The following EPHA6 variants were observed in gnomAD, a reference collection of about 807,000 sequenced individuals.
EPHA6 encodes EPH receptor A6.
Under a neutral mutation model 112.0 loss-of-function variants are expected in EPHA6, and 50 were observed. The ratio of observed to expected loss-of-function variants is 0.45; its 90% CI spans 0.36 to 0.56. EPHA6 has a LOEUF of 0.56. Among genes scored for constraint, EPHA6 ranks in the 20% least tolerant of loss-of-function variants. The pLI is 0.00. For missense variants in EPHA6, 1,280 were observed against 1,417.4 expected (o/e 0.90, Z 1.56); for synonymous variants, 529 against 490.7 (o/e 1.08, Z -1.03).
chr3:97,076,506 G>C (rs910073124), intron 3 of EPHA6, among the ~76,000 whole-genome samples: 7 of 152,176 alleles, frequency 4.6e-5, no homozygotes, highest in Admixed American at 2.6e-4. Context: ...CATGTTCATA[G>C]CATAATAATG....
chr3:97,007,765 G>A (rs1296749659), intron 3 of EPHA6, among the ~76,000 whole-genome samples: 1 of 152,146 alleles, frequency 6.6e-6, no homozygotes, highest in Non-Finnish European at 1.5e-5. Context: ...CATATTTAGT[G>A]CTTCTTTCAG....
rs1490383509 is a variant in EPHA6, at chr3:97,754,071, AT to A, written c.*5371del. 1.3e-5 allele frequency among the ~76,000 whole-genome samples: 2 copies of A among 151,008 alleles called. No homozygotes were observed. Among genetic ancestry groups the A allele is most frequent in the Non-Finnish European group, 2.9e-5 (2 of 67,808 alleles). ...TGAGTTTGTATAAAATGTATAAAAA[AT>A]AACATTTATATCTTTTTTTTTTTTT... On this transcript the variant is annotated 3_prime_UTR_variant, in exon 18 of 18. Transcript: ENST00000389672.
intron 6 of EPHA6, among the ~76,000 whole-genome samples, chr3:97,431,807 G>A (rs1232169787): frequency 2.0e-5 from 3 of 152,000 alleles, no homozygotes; most frequent in Non-Finnish European, 4.4e-5. Context: ...TAGTTCAATT[G>A]TTGGTTAGCA....
Position 97,407,490 on chromosome 3 carries a change from TTG to T in EPHA6, c.1731+2234_1731+2235del, listed in dbSNP as rs371201863. 9.3e-4 allele frequency among the ~76,000 whole-genome samples: 139 copies of T among 149,076 alleles called. 3 individuals carry two copies. In the South Asian group the frequency reaches 0.023, roughly 24 times the overall value. On this transcript the variant is annotated intron_variant, in intron 6 of 17. Coordinates refer to ENST00000389672, the MANE Select transcript of EPHA6 (RefSeq NM_001080448.3). ...GTGTGTGTGATGTGTCTGAGTGTGT[TTG>T]TGTGTGTGTGTGTGTGTATTAAGAG...
intron 3 of EPHA6, among the ~76,000 whole-genome samples, chr3:97,143,588 C>T (rs1463660663): frequency 1.3e-5 from 2 of 151,862 alleles, no homozygotes; most frequent in Non-Finnish European, 3.0e-5. Context: ...GCTTATACAA[C>T]TACCTCAATC....
intron 3 of EPHA6, among the ~76,000 whole-genome samples, chr3:97,007,827 G>T (rs536412273): frequency 6.6e-6 from 1 of 152,260 alleles, no homozygotes; most frequent in African/African-American, 2.4e-5. Context: ...GCATTTGTTT[G>T]TCTGTAAAGG....
intron 3 of EPHA6, among the ~76,000 whole-genome samples, chr3:97,131,176 TATATA>T (rs1271847173): frequency 6.6e-6 from 1 of 152,134 alleles, no homozygotes; most frequent in Non-Finnish European, 1.5e-5. Flanking sequence ...AATTTTTAGA[TATATA>T]ATGTAAAATA....
At chr3:97,482,516 C>G (rs1268036957) in intron 9 of EPHA6, among the ~76,000 whole-genome samples, 1 of 152,158 alleles carries the variant, frequency 6.6e-6, no homozygotes, top group Non-Finnish European at 1.5e-5. Flanking sequence ...ATATGCTTTT[C>G]TGGTGCTAAT....
rs1019357356 is a variant in EPHA6 at position 97,274,472 on chromosome 3, G to A, written c.1606+30185G>A. ...GGCATTAATGATGGAGGACCCTTGC[G>A]TAGTGAGGAAACCTCTTTCAGCCCA... On this transcript the variant is annotated intron_variant, in intron 5 of 17. Transcript: ENST00000389672. Among the ~76,000 whole-genome samples, 5 of 152,284 alleles carry A rather than the reference G, an allele frequency of 3.3e-5. No individual in the cohort carries two copies. In the East Asian group the frequency reaches 7.7e-4, roughly 23 times the overall value.
chr3:97,331,168 G>A (rs2082778525), intron 5 of EPHA6, among the ~76,000 whole-genome samples: 1 of 152,008 alleles, frequency 6.6e-6, no homozygotes, highest in African/African-American at 2.4e-5. Context: ...ACGAAATGAA[G>A]GCAGAAATAA....
At chr3:96,944,793 A>G (rs1278776766) in intron 2 of EPHA6, among the ~76,000 whole-genome samples, 1 of 152,194 alleles carries the variant, frequency 6.6e-6, no homozygotes, top group Non-Finnish European at 1.5e-5. Flanking sequence ...TACAAAAATT[A>G]GCTGAGCGTG....
intron 2 of EPHA6, among the ~76,000 whole-genome samples, chr3:96,899,542 T>A (rs2038489021): frequency 6.6e-6 from 1 of 152,198 alleles, no homozygotes; most frequent in Non-Finnish European, 1.5e-5. Context: ...CAATATGAAG[T>A]CATTAATTTT....
intron 1 of EPHA6, among the ~76,000 whole-genome samples, chr3:96,818,581 T>C (rs925996225): frequency 1.3e-4 from 19 of 151,860 alleles, no homozygotes; most frequent in African/African-American, 4.1e-4. Flanking sequence ...CAAATAAATA[T>C]ATCTAAGCAG....
At chr3:97,643,823 C>G (rs1382515190) in intron 14 of EPHA6, among the ~76,000 whole-genome samples, 1 of 150,618 alleles carries the variant, frequency 6.6e-6, no homozygotes, top group Non-Finnish European at 1.5e-5. Context: ...ACTTAGACTC[C>G]CACACATTAA....
rs2091629895 is a variant in EPHA6, at chr3:97,483,931, C to T, written c.2075-3C>T. 2 of 1,591,522 alleles carry T rather than the reference C, an allele frequency of 1.3e-6. No homozygotes were observed. The highest frequency in any genetic ancestry group is 1.4e-5 in the African/African-American group (1 of 74,032). ...ATCAATCGTTTTGTTATTGTTGTTG[C>T]AGTGCGCTTCCCGGGAATTAAAACT... On this transcript the variant is annotated splice_region_variant and splice_polypyrimidine_tract_variant and intron_variant, in intron 9 of 17. Transcript: ENST00000389672.
intron 3 of EPHA6, among the ~76,000 whole-genome samples, chr3:97,037,069 C>T (rs1319602268): frequency 6.6e-6 from 1 of 151,922 alleles, no homozygotes; most frequent in Non-Finnish European, 1.5e-5. Flanking sequence ...TTAAAACTAC[C>T]GTTGACTTAA....
chr3:97,437,433 G>A (rs1316496654), intron 6 of EPHA6, among the ~76,000 whole-genome samples: 1 of 151,984 alleles, frequency 6.6e-6, no homozygotes, highest in Non-Finnish European at 1.5e-5. Context: ...ATTTGGAATA[G>A]CATTTATATT....
intron 12 of EPHA6, among the ~76,000 whole-genome samples, chr3:97,594,610 T>A (rs1213765777): frequency 6.6e-6 from 1 of 152,240 alleles, no homozygotes; most frequent in African/African-American, 2.4e-5. Context: ...AGAATTTTTT[T>A]ATCCTTTCTT....
At chr3:96,869,444 A>T (rs2036514093) in intron 2 of EPHA6, among the ~76,000 whole-genome samples, 1 of 151,602 alleles carries the variant, frequency 6.6e-6, no homozygotes, top group South Asian at 2.1e-4. Context: ...AGGCGAAAGG[A>T]GTGGCTTGAG....
Sources: gnomAD v4.1 joint callset for allele counts (sites outside exome capture counted in the v4.1 genomes callset) on GRCh38, gnomAD v4.1.1 for gene constraint, MANE v1.5 for transcripts, NCBI Gene and HGNC (gene_info 2026-07-23, HGNC 2026-07-21) for gene names.